LARS2: variants seen among roughly 807,000 people sequenced by gnomAD.
LARS2 encodes leucine--tRNA ligase, mitochondrial.
In LARS2, 81 loss-of-function variants were observed where a neutral mutation model predicts 116.6. The observed-to-expected ratio is 0.69, with a 90% CI of 0.58 to 0.84. The LOEUF (loss-of-function observed/expected upper bound fraction) is 0.84. Among genes scored for constraint, LARS2 ranks in the 40% least tolerant of loss-of-function variants. The pLI is 0.00. For missense variants in LARS2, 968 were observed against 1,114.5 expected (o/e 0.87, Z 1.87); for synonymous variants, 396 against 407.2 (o/e 0.97, Z 0.33).
chr3:45,400,111 T>A, intron 3 of LARS2, 134 bp from the exon 4 acceptor site: 2 of 847,020 alleles, frequency 2.4e-6, no homozygotes, highest in Non-Finnish European at 3.5e-6. Flanking sequence ...TGATTTACAT[T>A]CTGGGAACAC....
intron 6 of LARS2, among the ~76,000 whole-genome samples, chr3:45,436,357 A>C (rs546619376): frequency 1.3e-5 from 2 of 152,204 alleles, no homozygotes; most frequent in South Asian, 4.1e-4. Context: ...AAAAAAAAAA[A>C]AACAAAAACA....
chr3:45,504,312 CT>C (rs1375418810), intron 15 of LARS2, among the ~76,000 whole-genome samples: 2 of 151,936 alleles, frequency 1.3e-5, no homozygotes. Context: ...ACTTTTAAAA[CT>C]TTTGAAATGC....
intron 18 of LARS2, 144 bp downstream of exon 18, chr3:45,518,216 G>T (rs978712434): frequency 3.2e-6 from 2 of 621,922 alleles, no homozygotes; most frequent in South Asian, 4.0e-5. Flanking sequence ...TTCTTGCTTT[G>T]ATTGATTGGC....
chr3:45,494,763 A>T (rs758801825), intron 13 of LARS2, among the ~76,000 whole-genome samples: 9 of 152,080 alleles, frequency 5.9e-5, no homozygotes, highest in Admixed American at 3.3e-4. Context: ...AACTCTAGGA[A>T]TGTTCTTAAG....
At chr3:45,518,622 C>T (rs1700407443) in intron 18 of LARS2, among the ~76,000 whole-genome samples, 1 of 152,126 alleles carries the variant, frequency 6.6e-6, no homozygotes, top group African/African-American at 2.4e-5. Context: ...GACTTTCCCA[C>T]TCAGTTACTT....
chr3:45,470,533 A>T (rs1391172863), intron 8 of LARS2, among the ~76,000 whole-genome samples: 2 of 152,202 alleles, frequency 1.3e-5, no homozygotes, highest in Non-Finnish European at 2.9e-5. Context: ...TTTCAGACAC[A>T]TCCTAGCACA....
At position 45,438,791 on chromosome 3, in the gene LARS2, C is replaced by T. The variant is rs865798697; in HGVS notation, c.517-8100C>T. ...CGGAGGTTGCAGTGAGCTGAGATCG[C>T]GCCACTGCACTCCAGCCTGGGTGAC... On this transcript the variant is annotated intron_variant, in intron 6 of 21. Coordinates refer to ENST00000645846, the MANE Select transcript of LARS2 (RefSeq NM_015340.4). Among the ~76,000 whole-genome samples the T allele has an allele frequency of 9.9e-4, 150 of 151,740 alleles. 2 individuals are homozygous for T. Among genetic ancestry groups the T allele is most frequent in the Admixed American group, 1.7e-3 (26 of 15,236 alleles).
At chr3:45,506,183 A>G (rs968949168) in intron 15 of LARS2, among the ~76,000 whole-genome samples, 1 of 152,068 alleles carries the variant, frequency 6.6e-6, no homozygotes, top group Non-Finnish European at 1.5e-5. Context: ...AATTACTGAA[A>G]AGGCTGACCT....
intron 6 of LARS2, among the ~76,000 whole-genome samples, chr3:45,443,425 A>C (rs1435313530): frequency 1.3e-5 from 2 of 152,320 alleles, no homozygotes; most frequent in East Asian, 3.9e-4. Context: ...GGGCTCTATG[A>C]CTTTCAGGAG....
chr3:45,543,195 A>C (rs550137735), intron 21 of LARS2, among the ~76,000 whole-genome samples: 1 of 152,346 alleles, frequency 6.6e-6, no homozygotes, highest in South Asian at 2.1e-4. Context: ...TCTTCCAAAA[A>C]TCTTCAAAAC....
chr3:45,400,403 T>G (rs762670598), intron 4 of LARS2, 30 bp downstream of exon 4: 17 of 1,571,714 alleles, frequency 1.1e-5, no homozygotes. Context: ...GGAGCAGCCC[T>G]TGTCTGCCAC....
At chr3:45,423,135 T>A (rs928501248) in intron 6 of LARS2, among the ~76,000 whole-genome samples, 7 of 152,204 alleles carry the variant, frequency 4.6e-5, no homozygotes, top group Admixed American at 3.9e-4. Context: ...GAGTGTTTTT[T>A]AAAAATAATT....
chr3:45,528,065 A>G (rs908368994), intron 20 of LARS2, among the ~76,000 whole-genome samples: 5 of 152,174 alleles, frequency 3.3e-5, no homozygotes, highest in Non-Finnish European at 7.3e-5. Flanking sequence ...GGCTGGGTGC[A>G]GTGGCTCACG....
chr3:45,414,894 G>A (rs183075735), intron 4 of LARS2, among the ~76,000 whole-genome samples: 127 of 152,296 alleles, frequency 8.3e-4, no homozygotes, highest in African/African-American at 2.6e-3. Context: ...AAGAAGTGGC[G>A]TCTGTGGTTT....
intron 8 of LARS2, among the ~76,000 whole-genome samples, chr3:45,464,047 GA>G (rs1486859170): frequency 6.6e-6 from 1 of 152,208 alleles, no homozygotes; most frequent in African/African-American, 2.4e-5. Context: ...GAGCCATTAT[GA>G]AATCAGTGGG....
chr3:45,485,572 A>G, intron 10 of LARS2, 120 bp from the exon 11 acceptor site: 1 of 580,410 alleles, frequency 1.7e-6, no homozygotes, highest in Non-Finnish European at 3.1e-6. Flanking sequence ...AACTTATTTA[A>G]CAATTAGCAG....
At chr3:45,422,636 C>T (rs1416067842) in intron 6 of LARS2, among the ~76,000 whole-genome samples, 1 of 152,176 alleles carries the variant, frequency 6.6e-6, no homozygotes, top group African/African-American at 2.4e-5. Flanking sequence ...TATCATTATA[C>T]ACCAAGTTCT....
chr3:45,422,595 A>C (rs141195355), intron 6 of LARS2, among the ~76,000 whole-genome samples: 17 of 152,318 alleles, frequency 1.1e-4, no homozygotes, highest in African/African-American at 3.6e-4. Context: ...TTTAAAAGGC[A>C]AACTTTATAA....
At chr3:45,439,707 A>C (rs908295823) in intron 6 of LARS2, among the ~76,000 whole-genome samples, 4 of 151,586 alleles carry the variant, frequency 2.6e-5, no homozygotes, top group African/African-American at 9.7e-5. Context: ...GGTGGGGCTG[A>C]GGCATGCAGG....
Sources: gnomAD v4.1 joint callset for allele counts (sites outside exome capture counted in the v4.1 genomes callset) on GRCh38, gnomAD v4.1.1 for gene constraint, MANE v1.5 for transcripts, NCBI Gene and HGNC (gene_info 2026-07-23, HGNC 2026-07-21) for gene names.